BMPR1B: variants seen among roughly 807,000 people sequenced by gnomAD.
BMPR1B encodes the protein bone morphogenetic protein receptor type 1B.
In BMPR1B, 12 loss-of-function variants were observed where a neutral mutation model predicts 59.1. That is an observed-to-expected ratio of 0.20 (90% CI 0.13 to 0.33). BMPR1B has a LOEUF of 0.33. Ranked by LOEUF, BMPR1B falls within the 10% of genes least tolerant of loss-of-function variation. The pLI, the probability that BMPR1B is intolerant of heterozygous loss-of-function variation, is 1.00. For missense variants in BMPR1B, 550 were observed against 610.9 expected (o/e 0.90, Z 1.05); for synonymous variants, 237 against 207.3 (o/e 1.14, Z -1.23).
intron 2 of BMPR1B, among the ~76,000 whole-genome samples, chr4:94,892,094 T>G (rs1301574097): frequency 1.3e-5 from 2 of 152,064 alleles, no homozygotes; most frequent in African/African-American, 4.8e-5. Flanking sequence ...AAACTCGTAA[T>G]TGCTCGTAGT....
intron 1 of BMPR1B, among the ~76,000 whole-genome samples, chr4:94,869,034 C>G (rs1578741328): frequency 1.3e-5 from 2 of 151,322 alleles, no homozygotes; most frequent in South Asian, 4.2e-4. Context: ...TCTTAAATTT[C>G]TCTAGAACCT....
chr4:95,034,234 A>G (rs1394300717), intron 3 of BMPR1B, among the ~76,000 whole-genome samples: 3 of 152,038 alleles, frequency 2.0e-5, no homozygotes, highest in Non-Finnish European at 4.4e-5. Flanking sequence ...TCAATTTTTA[A>G]TTTTTGTGGG....
intron 3 of BMPR1B, among the ~76,000 whole-genome samples, chr4:95,009,255 C>T (rs531208674): frequency 1.3e-5 from 2 of 152,310 alleles, no homozygotes; most frequent in East Asian, 3.9e-4. Flanking sequence ...CGCAGCAATT[C>T]TACCCCTAGG....
chr4:94,987,889 A>T (rs1721514731), intron 2 of BMPR1B, among the ~76,000 whole-genome samples: 4 of 152,150 alleles, frequency 2.6e-5, no homozygotes, highest in Admixed American at 2.6e-4. Context: ...CTACACCTTT[A>T]TAATGAAAGA....
chr4:94,844,934 T>C (rs898504291), intron 1 of BMPR1B, among the ~76,000 whole-genome samples: 1 of 152,164 alleles, frequency 6.6e-6, no homozygotes, highest in Non-Finnish European at 1.5e-5. Flanking sequence ...CAGCCAAATA[T>C]TTTCACCTGG....
chr4:94,930,403 C>G (rs1023904862), intron 2 of BMPR1B, among the ~76,000 whole-genome samples: 19 of 152,192 alleles, frequency 1.2e-4, no homozygotes, highest in Admixed American at 3.9e-4. Context: ...GGTGAGCTCT[C>G]TGTCACTTCT....
At chr4:95,078,958 C>T (rs1728911252) in intron 3 of BMPR1B, among the ~76,000 whole-genome samples, 2 of 152,130 alleles carry the variant, frequency 1.3e-5, no homozygotes, top group South Asian at 2.1e-4. Context: ...AGGGATTCAC[C>T]ATGTTGCCCA....
chr4:94,900,414 G>A (rs1284457940), intron 2 of BMPR1B, among the ~76,000 whole-genome samples: 1 of 151,286 alleles, frequency 6.6e-6, no homozygotes, highest in Non-Finnish European at 1.5e-5. Context: ...GTTAAGTTCT[G>A]TATTTGTAAA....
At chr4:94,798,927 A>G (rs1723294026) in intron 1 of BMPR1B, among the ~76,000 whole-genome samples, 3 of 151,870 alleles carry the variant, frequency 2.0e-5, no homozygotes, top group African/African-American at 7.3e-5. Flanking sequence ...GCATCCAGAG[A>G]ACAAAATAGA....
chr4:94,830,189 T>G (rs1560504400), intron 1 of BMPR1B, among the ~76,000 whole-genome samples: 1 of 152,106 alleles, frequency 6.6e-6, no homozygotes, highest in African/African-American at 2.4e-5. Context: ...AACTATTTTT[T>G]GGACAGCTTC....
intron 3 of BMPR1B, among the ~76,000 whole-genome samples, chr4:95,017,477 A>G (rs1415053448): frequency 6.6e-6 from 1 of 152,214 alleles, no homozygotes; most frequent in African/African-American, 2.4e-5. Flanking sequence ...GGCCTGTGTT[A>G]GAATCACCAT....
chr4:94,987,190 TATATC>T (rs1324388038), intron 2 of BMPR1B, among the ~76,000 whole-genome samples: 51 of 80,154 alleles, frequency 6.4e-4, no homozygotes, highest in Middle Eastern at 5.5e-3. Context: ...CTATATATAA[TATATC>T]ATATATATGT....
chr4:94,931,684 A>C (rs1271183901), intron 2 of BMPR1B, among the ~76,000 whole-genome samples: 2 of 152,152 alleles, frequency 1.3e-5, no homozygotes, highest in East Asian at 3.9e-4. Flanking sequence ...AACCCGTGAA[A>C]ATAGAAAGTG....
At chr4:94,957,834 G>A (rs1237355829) in intron 2 of BMPR1B, among the ~76,000 whole-genome samples, 1 of 151,822 alleles carries the variant, frequency 6.6e-6, no homozygotes, top group Non-Finnish European at 1.5e-5. Context: ...TTTTTGCATC[G>A]GTGAAATATG....
At chr4:94,848,109 A>G (rs1725411994) in intron 1 of BMPR1B, among the ~76,000 whole-genome samples, 2 of 152,214 alleles carry the variant, frequency 1.3e-5, no homozygotes, top group African/African-American at 4.8e-5. Context: ...AGCATAAGAA[A>G]TATCCAGTTT....
At chr4:94,967,514 GCT>G (rs1198851284) in intron 2 of BMPR1B, among the ~76,000 whole-genome samples, 1 of 149,130 alleles carries the variant, frequency 6.7e-6, no homozygotes, top group Non-Finnish European at 1.5e-5. Flanking sequence ...ATGGAGTCTT[GCT>G]CTGTCACCCA....
At chr4:94,908,383 T>C (rs929954476) in intron 2 of BMPR1B, among the ~76,000 whole-genome samples, 1 of 151,884 alleles carries the variant, frequency 6.6e-6, no homozygotes, top group African/African-American at 2.4e-5. Flanking sequence ...AAACCTGTCC[T>C]TCTTAAACTT....
chr4:95,110,339 A>T (rs1731541965), intron 4 of BMPR1B, among the ~76,000 whole-genome samples: 2 of 152,004 alleles, frequency 1.3e-5, no homozygotes, highest in Non-Finnish European at 2.9e-5. Flanking sequence ...ACCTCATAGA[A>T]AAAATAAACA....
chr4:94,860,598 T>C (rs17022374), intron 1 of BMPR1B, among the ~76,000 whole-genome samples: 5,740 of 152,302 alleles, frequency 0.038, 345 homozygotes, highest in African/African-American at 0.13. Context: ...AGGCATATTC[T>C]GTTTTTTAAG....
Sources: allele counts gnomAD v4.1 joint callset (sites outside exome capture counted in the v4.1 genomes callset), GRCh38; gene constraint gnomAD v4.1.1; transcripts MANE v1.5; gene names NCBI Gene and HGNC (gene_info 2026-07-23, HGNC 2026-07-21).